RPS6KB1: variants seen among roughly 807,000 people sequenced by gnomAD.
The protein encoded by RPS6KB1 is ribosomal protein S6 kinase B1, also known as ribosomal protein S6 kinase beta-1.
In RPS6KB1, 12 loss-of-function variants were observed where a neutral mutation model predicts 70.2. That is an observed-to-expected ratio of 0.17 (90% CI 0.11 to 0.28). RPS6KB1 has a LOEUF of 0.28. Ranked by LOEUF, RPS6KB1 falls within the 10% of genes least tolerant of loss-of-function variation. The pLI is 1.00. For synonymous variants in RPS6KB1, 175 were observed against 211.2 expected, an observed-to-expected ratio of 0.83 and a Z score of 1.49; for missense variants, 270 against 646.6, an observed-to-expected ratio of 0.42 and a Z score of 6.32.
chr17:59,926,471 A>T lies in RPS6KB1; in HGVS notation c.418A>T (p.Thr140Ser). The change falls in exon 5 of 15, where the codon ACA (threonine) becomes TCA (serine). Residue 140 changes from threonine (T) to serine (S), a missense_variant. By Grantham distance (58) the Thr-to-Ser change is moderately conservative (BLOSUM62 1). Around this residue, in one of 4 missense-constraint regions of RPS6KB1, gnomAD observed 44 missense variants for 102.5 expected, o/e 0.43. Transcript: ENST00000225577. ...AAGAAATGCTAAAGATACAGCTCAT[A>T]CAAAAGCAGAACGGAATATTCTGGA... is the stretch of plus-strand genomic sequence containing the variant. ...IVRNAKDTAH[T>S]KAERNILEEV... 1 of 1,611,682 alleles carries T rather than the reference A, an allele frequency of 6.2e-7. No individual in the cohort carries two copies. Among genetic ancestry groups the T allele is most frequent in the East Asian group, 2.2e-5 (1 of 44,800 alleles).
chr17:59,911,887 C>T (rs900354345), intron 2 of RPS6KB1, among the ~76,000 whole-genome samples: 4 of 152,058 alleles, frequency 2.6e-5, no homozygotes, highest in African/African-American at 9.7e-5. Context: ...TGAGCCACCA[C>T]GCCCATTGGA....
Position 59,928,474 on chromosome 17 carries a change from C to T in RPS6KB1, c.530-1643C>T, listed in dbSNP as rs1303889496. ...TGGGCTCACTACAACCTCTGCCTCT[C>T]GAGTAGCTGGGATTACAGGCACCCA... On this transcript the variant is annotated intron_variant, in intron 5 of 14. Coordinates refer to ENST00000225577, the MANE Select transcript of RPS6KB1 (RefSeq NM_003161.4). Among the ~76,000 whole-genome samples, 6 of 151,730 alleles carry T rather than the reference C, an allele frequency of 4.0e-5. No individual in the cohort carries two copies. The East Asian group carries it at 1.2e-3, about 29-fold the overall frequency.
chr17:59,930,255 C>A, intron 6 of RPS6KB1, 81 bp downstream of exon 6: 1 of 845,940 alleles, frequency 1.2e-6, no homozygotes, highest in Non-Finnish European at 2.1e-6. Flanking sequence ...CCACATGATT[C>A]AGTAAATTGA....
At chr17:59,910,152 A>G (rs976937829) in intron 1 of RPS6KB1, among the ~76,000 whole-genome samples, 2 of 150,318 alleles carry the variant, frequency 1.3e-5, no homozygotes, top group Non-Finnish European at 3.0e-5. Context: ...GCACCGCTGC[A>G]CTCCAGTCTG....
intron 1 of RPS6KB1, among the ~76,000 whole-genome samples, chr17:59,904,391 TTATG>T (rs1336552079): frequency 8.0e-5 from 12 of 150,092 alleles, no homozygotes; most frequent in African/African-American, 3.0e-4. Context: ...GAGTAATTCT[TTATG>T]TATCATTTTT....
chr17:59,929,082 A>G (rs2043788398), intron 5 of RPS6KB1, among the ~76,000 whole-genome samples: 1 of 150,878 alleles, frequency 6.6e-6, no homozygotes, highest in African/African-American at 2.4e-5. Context: ...TTGAGGAGAT[A>G]CTTTGAGATT....
In RPS6KB1 at chr17:59,935,287, A is replaced by T. The variant is rs746643734; in HGVS notation, c.965A>T (p.Asp322Val). 1.9e-6 allele frequency: 3 copies of T among 1,597,920 alleles called. No homozygotes were observed. In the South Asian group the frequency reaches 3.3e-5, roughly 18 times the overall value. ...LPPYLTQEAR[D>V]LLKKLLKRNA... ...CCCTACCTCACACAAGAAGCCAGAGATCTGCTTAAAAAGGTAAGGTTCTTA... is the reference window on the plus strand; with the variant it reads ...CCCTACCTCACACAAGAAGCCAGAGTTCTGCTTAAAAAGGTAAGGTTCTTA... Residue 322 changes from aspartate (D) to valine (V), a missense_variant, in exon 10 of 15, where the codon GAT (aspartate) becomes GTT (valine). This residue lies in a region of RPS6KB1 where 133 missense variants were observed against 314.7 expected (regional missense o/e 0.42). Transcript: ENST00000225577.
intron 4 of RPS6KB1, among the ~76,000 whole-genome samples, chr17:59,923,161 CT>C (rs76413553): frequency 0.026 from 3,563 of 139,108 alleles, 117 homozygotes; most frequent in African/African-American, 0.082. Flanking sequence ...CGCACCTGGT[CT>C]TTTTTTTTTT....
At chr17:59,920,335 A>G (rs1248028015) in intron 4 of RPS6KB1, among the ~76,000 whole-genome samples, 2 of 152,184 alleles carry the variant, frequency 1.3e-5, no homozygotes, top group Non-Finnish European at 2.9e-5. Context: ...TCTTAAAACA[A>G]AAGTTCCAGT....
At chr17:59,913,479 A>G (rs2042765171) in intron 3 of RPS6KB1, among the ~76,000 whole-genome samples, 1 of 152,202 alleles carries the variant, frequency 6.6e-6, no homozygotes, top group Admixed American at 6.5e-5. Flanking sequence ...GTAATTTCTA[A>G]TCATCCTGAA....
In RPS6KB1 at chr17:59,947,604, C is replaced by A. The variant is rs772039820; in HGVS notation, c.*816C>A. The A allele has an allele frequency of 2.2e-4, 321 of 1,451,780 alleles. No individual in the cohort carries two copies. The highest frequency in any genetic ancestry group is 2.9e-4 in the Non-Finnish European group (306 of 1,053,422). The allele number at this position is 1,451,780 out of a possible 1,614,324, so 89.9% of individuals were successfully genotyped here. On this transcript the variant is annotated 3_prime_UTR_variant, in exon 15 of 15. Coordinates refer to ENST00000225577, the MANE Select transcript of RPS6KB1 (RefSeq NM_003161.4). ...ACTTGCAGTACTGCTATGTGCTAAG[C>A]TTAACTGGAAGCCTTGGAATGGGCA...
rs2041318655 is a variant in RPS6KB1 at position 59,893,887 on chromosome 17, G to C, written c.141+562G>C. 1 of 985,112 alleles carries C rather than the reference G, an allele frequency of 1.0e-6. No homozygotes were observed. The highest frequency in any genetic ancestry group is 1.7e-5 in the African/African-American group (1 of 57,144). 61.0% of individuals were successfully genotyped at this position (985,112 alleles called of 1,614,324 possible). On this transcript the variant is annotated intron_variant, in intron 1 of 14. Transcript: ENST00000225577. The surrounding 1 kb of genome is among the most constrained non-coding windows in gnomAD (Gnocchi z 4.1). ...ACAGCCACCAGGAGTTTTATTTCGG[G>C]AGCAAGGGGGCTCTGCTGCATCTTC...
intron 12 of RPS6KB1, among the ~76,000 whole-genome samples, chr17:59,940,488 A>G (rs1468441237): frequency 2.6e-5 from 4 of 151,582 alleles, no homozygotes; most frequent in African/African-American, 7.3e-5. Context: ...GGGTTTCACT[A>G]TTTTGGCCAG....
intron 6 of RPS6KB1, chr17:59,930,412 C>A (rs779316106): frequency 4.3e-5 from 17 of 395,190 alleles, no homozygotes; most frequent in Admixed American, 8.7e-5. Flanking sequence ...ATTCTCATTG[C>A]GGCTTTCTTT....
At position 59,941,726 on chromosome 17, in the gene RPS6KB1, T is replaced by A. The variant is rs192488860; in HGVS notation, c.1227+783T>A. ...TCAGCTCACTGCAACTTCTGCCTCC[T>A]GGGTTCGAGTGATTCTCCTGCCTCA... On this transcript the variant is annotated intron_variant, in intron 13 of 14. Coordinates refer to ENST00000225577, the MANE Select transcript of RPS6KB1 (RefSeq NM_003161.4). Among the ~76,000 whole-genome samples, 15 of 146,468 alleles carry A rather than the reference T, an allele frequency of 1.0e-4. No homozygotes were observed. The Admixed American group carries it at 1.0e-3, about 10-fold the overall frequency.
rs774536254 is a variant in RPS6KB1 at position 59,940,838 on chromosome 17, A to G, written c.1122A>G (p.Gln374=). 3.2e-5 allele frequency: 50 copies of G among 1,548,402 alleles called. No individual in the cohort carries two copies. The highest frequency in any genetic ancestry group is 4.2e-5 in the Non-Finnish European group (48 of 1,134,880). Residue 374 remains glutamine (Q), a splice_region_variant and synonymous_variant, in exon 13 of 15, where the codon CAA becomes CAG. Coordinates refer to ENST00000225577, the MANE Select transcript of RPS6KB1 (RefSeq NM_003161.4). ...TAAATTATTTTGTTTGTATAAAGCA[A>G]TCTGAAGAGGATGTAAGTCAGTTTG... The part of the protein sequence containing the change: ...KVEPPFKPLL[Q]SEEDVSQFDS...
intron 5 of RPS6KB1, among the ~76,000 whole-genome samples, chr17:59,928,634 G>A (rs905518301): frequency 4.6e-5 from 7 of 152,152 alleles, no homozygotes; most frequent in African/African-American, 1.7e-4. Flanking sequence ...ACAGGTGTGA[G>A]CCATTGCACC....
rs776419630 is a variant in RPS6KB1, at chr17:59,947,646, C to T, written c.*858C>T. The T allele has an allele frequency of 5.8e-6, 6 of 1,042,154 alleles. No homozygotes were observed. Among genetic ancestry groups the T allele is most frequent in the Non-Finnish European group, 8.8e-6 (6 of 684,158 alleles). 64.6% of individuals were successfully genotyped at this position (1,042,154 alleles called of 1,614,324 possible). ...GAATGGGCATAAGTTGTATGTCCTACATTTCATCATTGTCCCGGGCCTGCA... is the reference window on the plus strand; with the variant it reads ...GAATGGGCATAAGTTGTATGTCCTATATTTCATCATTGTCCCGGGCCTGCA... On this transcript the variant is annotated 3_prime_UTR_variant, in exon 15 of 15. Transcript: ENST00000225577.
chr17:59,928,374 C>CTTTCT (rs1372835209), intron 5 of RPS6KB1, among the ~76,000 whole-genome samples: 2 of 145,272 alleles, frequency 1.4e-5, no homozygotes, highest in African/African-American at 5.0e-5. Flanking sequence ...TGTATGTTTT[C>CTTTCT]TTTCTTTTCT....
Sources: allele counts gnomAD v4.1 joint callset (sites outside exome capture counted in the v4.1 genomes callset), GRCh38; gene constraint gnomAD v4.1.1; regional missense constraint gnomAD v4.1.1; non-coding constraint Gnocchi (gnomAD v3.1); transcripts MANE v1.5; gene names NCBI Gene and HGNC (gene_info 2026-07-23, HGNC 2026-07-21).